The following DGKI variants were observed in gnomAD, a reference collection of about 807,000 sequenced individuals.
DGKI encodes the protein DAG kinase iota.
In DGKI, 55 loss-of-function variants were observed where a neutral mutation model predicts 147.5. The observed-to-expected ratio is 0.37, with a 90% CI of 0.30 to 0.47. The LOEUF (loss-of-function observed/expected upper bound fraction) is 0.47. Ranked by LOEUF, DGKI falls within the 20% of genes least tolerant of loss-of-function variation. The pLI is 1.00. For missense variants in DGKI, 1,007 were observed against 1,323.8 expected, an observed-to-expected ratio of 0.76 and a Z score of 3.71; for synonymous variants, 469 against 477.1, an observed-to-expected ratio of 0.98 and a Z score of 0.22.
intron 23 of DGKI, among the ~76,000 whole-genome samples, chr7:137,477,308 G>T (rs1815203712): frequency 6.6e-6 from 1 of 152,130 alleles, no homozygotes; most frequent in Non-Finnish European, 1.5e-5. Flanking sequence ...GGGTAACTTT[G>T]CTGTATGCAT....
intron 19 of DGKI, among the ~76,000 whole-genome samples, chr7:137,553,041 T>A (rs113839961): frequency 3.9e-5 from 6 of 152,196 alleles, no homozygotes; most frequent in African/African-American, 1.2e-4. Context: ...GGATAAACCA[T>A]TAATGCAAAT....
intron 1 of DGKI, among the ~76,000 whole-genome samples, chr7:137,710,855 A>G (rs1253266650): frequency 6.6e-6 from 1 of 152,198 alleles, no homozygotes; most frequent in African/African-American, 2.4e-5. Context: ...CCACAAAATA[A>G]AAGATGTTTT....
intron 27 of DGKI, among the ~76,000 whole-genome samples, chr7:137,444,790 C>T (rs2128917776): frequency 6.6e-6 from 1 of 152,292 alleles, no homozygotes; most frequent in South Asian, 2.1e-4. Context: ...CTTGCTTCCC[C>T]CCAGTTGACT....
In DGKI at chr7:137,389,643, C is replaced by T. The variant is rs1024528964; in HGVS notation, c.*1577G>A. ...CACCTACTTTTATTTTTGACTTACC[C>T]CCAAGTCAAGTAGATATTTGGACAG... On this transcript the variant is annotated 3_prime_UTR_variant, in exon 33 of 33. Coordinates refer to ENST00000614521, the MANE Select transcript of DGKI (RefSeq NM_001321708.2). The T allele has an allele frequency of 6.6e-6, 1 of 152,168 alleles. No homozygotes were observed. The highest frequency in any genetic ancestry group is 6.5e-5 in the Admixed American group (1 of 15,276). The allele number at this position is 152,168 out of a possible 1,614,324, so 9.4% of individuals were successfully genotyped here. A position where few individuals can be genotyped will look rare whatever the true frequency, so the allele number is the denominator to read the frequency against.
At chr7:137,484,320 G>A (rs1351065805) in intron 23 of DGKI, among the ~76,000 whole-genome samples, 2 of 151,980 alleles carry the variant, frequency 1.3e-5, no homozygotes, top group Non-Finnish European at 2.9e-5. Flanking sequence ...ATGTTAAATT[G>A]GAAATTTCAG....
chr7:137,617,338 T>C (rs1760259480), intron 8 of DGKI, among the ~76,000 whole-genome samples: 1 of 151,976 alleles, frequency 6.6e-6, no homozygotes. Flanking sequence ...GGGGTATTGT[T>C]CTATACTAAG....
At chr7:137,503,006 A>G (rs1213144433) in intron 21 of DGKI, among the ~76,000 whole-genome samples, 3 of 152,176 alleles carry the variant, frequency 2.0e-5, no homozygotes, top group Admixed American at 6.6e-5. Context: ...ACAAAGGACC[A>G]GAACCATCAG....
intron 23 of DGKI, among the ~76,000 whole-genome samples, chr7:137,472,253 TA>T (rs1166822090): frequency 2.0e-5 from 2 of 99,072 alleles, no homozygotes; most frequent in African/African-American, 4.1e-5. Context: ...TATATACACA[TA>T]ATATTATATG....
At chr7:137,828,898 T>A (rs1485338814) in intron 1 of DGKI, among the ~76,000 whole-genome samples, 1 of 152,226 alleles carries the variant, frequency 6.6e-6, no homozygotes, top group South Asian at 2.1e-4. Flanking sequence ...AATAAGAGCA[T>A]AAGAAACAAT....
intron 24 of DGKI, among the ~76,000 whole-genome samples, chr7:137,469,343 C>T (rs1315046979): frequency 1.3e-5 from 2 of 152,174 alleles, no homozygotes; most frequent in Non-Finnish European, 2.9e-5. Flanking sequence ...CAGAGTTAAC[C>T]AAGCTGTGTT....
At chr7:137,577,843 T>A (rs1054102761) in intron 16 of DGKI, among the ~76,000 whole-genome samples, 1 of 152,248 alleles carries the variant, frequency 6.6e-6, no homozygotes, top group African/African-American at 2.4e-5. Context: ...TATGCGTCCA[T>A]GAAAAACACC....
chr7:137,819,380 C>T (rs957036475), intron 1 of DGKI, among the ~76,000 whole-genome samples: 74 of 150,954 alleles, frequency 4.9e-4, no homozygotes, highest in African/African-American at 1.6e-3. Context: ...GGCGCCATCT[C>T]GGCTCACCGC....
At chr7:137,475,672 C>T (rs1258315153) in intron 23 of DGKI, among the ~76,000 whole-genome samples, 1 of 152,112 alleles carries the variant, frequency 6.6e-6, no homozygotes, top group African/African-American at 2.4e-5. Context: ...AAGCATGGAC[C>T]ATGTCGTTAA....
rs1052471384 is a variant in DGKI at position 137,568,196 on chromosome 7, C to T, written c.1947+2979G>A. ...CTTTAGCACCACCTGTGATCACTCT[C>T]TCTTTTCACCTACATTTAAACTACA... On this transcript the variant is annotated intron_variant, in intron 19 of 32. Transcript: ENST00000614521. Among the ~76,000 whole-genome samples the T allele has an allele frequency of 2.0e-5, 3 of 152,222 alleles. No homozygotes were observed. In the East Asian group the frequency reaches 5.8e-4, roughly 29 times the overall value.
At chr7:137,535,384 T>C (rs1159326050) in intron 20 of DGKI, among the ~76,000 whole-genome samples, 1 of 152,140 alleles carries the variant, frequency 6.6e-6, no homozygotes, top group African/African-American at 2.4e-5. Flanking sequence ...AAACAAGTGT[T>C]GTATCTGTTG....
chr7:137,676,224 CA>C (rs769318934), intron 3 of DGKI, among the ~76,000 whole-genome samples: 6 of 152,154 alleles, frequency 3.9e-5, no homozygotes, highest in Non-Finnish European at 7.4e-5. Context: ...CTAAACCAAC[CA>C]GCAGCAACTA....
chr7:137,675,423 G>A (rs561846675), intron 3 of DGKI, among the ~76,000 whole-genome samples: 4 of 152,250 alleles, frequency 2.6e-5, no homozygotes, highest in African/African-American at 9.6e-5. Flanking sequence ...GGTAGCTCAT[G>A]CCTGTAATCC....
In DGKI at chr7:137,845,390, A is replaced by G. The variant is rs150350180; in HGVS notation, c.401+1072T>C. ...CAGCACATGGTGTGACAGGCTTAAT[A>G]CTTTATATGGTTTTTGGGAAGGGAA... is the stretch of plus-strand genomic sequence containing the variant. On this transcript the variant is annotated intron_variant, in intron 1 of 32. Coordinates refer to ENST00000614521, the MANE Select transcript of DGKI (RefSeq NM_001321708.2). Among the ~76,000 whole-genome samples, 9 of 152,256 alleles carry G rather than the reference A, an allele frequency of 5.9e-5. No homozygotes were observed. The East Asian group carries it at 1.2e-3, about 20-fold the overall frequency.
chr7:137,592,034 T>C (rs1011346719), intron 12 of DGKI, among the ~76,000 whole-genome samples: 1 of 152,182 alleles, frequency 6.6e-6, no homozygotes, highest in African/African-American at 2.4e-5. Flanking sequence ...GCAGGAGACA[T>C]TAAAAATCTT....
Sources: allele counts gnomAD v4.1 joint callset (sites outside exome capture counted in the v4.1 genomes callset), GRCh38; gene constraint gnomAD v4.1.1; transcripts MANE v1.5; gene names NCBI Gene and HGNC (gene_info 2026-07-23, HGNC 2026-07-21).